The following HUNK variants were observed in gnomAD, a reference collection of about 807,000 sequenced individuals.
The protein encoded by HUNK is hormonally up-regulated neu tumor-associated kinase.
A neutral mutation model predicts 61.0 loss-of-function variants in HUNK; 21 were observed. That is an observed-to-expected ratio of 0.34 (90% confidence interval 0.24 to 0.50). The LOEUF (loss-of-function observed/expected upper bound fraction) is 0.50, where lower values mean the gene tolerates loss of function less well. Ranked by LOEUF, HUNK falls within the 20% of genes least tolerant of loss-of-function variation. HUNK has a pLI of 0.98. For missense variants in HUNK, 772 were observed against 945.7 expected, an observed-to-expected ratio of 0.82 and a Z score of 2.41; for synonymous variants, 371 against 386.1, an observed-to-expected ratio of 0.96 and a Z score of 0.46.
chr21:31,928,001 C>T (rs764901035), intron 2 of HUNK, among the ~76,000 whole-genome samples: 17 of 152,208 alleles, frequency 1.1e-4, no homozygotes, highest in Non-Finnish European at 1.6e-4. Flanking sequence ...AAGTGAATCA[C>T]GCTATTTTTG....
intron 7 of HUNK, among the ~76,000 whole-genome samples, chr21:31,981,207 G>T (rs956001756): frequency 6.6e-6 from 1 of 152,108 alleles, no homozygotes; most frequent in East Asian, 1.9e-4. Flanking sequence ...CTATTCCATT[G>T]GTCTATGTGT....
intron 5 of HUNK, among the ~76,000 whole-genome samples, chr21:31,960,118 G>A (rs1049829477): frequency 2.0e-5 from 3 of 152,200 alleles, no homozygotes; most frequent in Non-Finnish European, 4.4e-5. Flanking sequence ...AGCACTCTGA[G>A]GTGTGCCCAT....
chr21:31,976,565 C>T (rs1030934336), intron 7 of HUNK, among the ~76,000 whole-genome samples: 1 of 139,440 alleles, frequency 7.2e-6, no homozygotes, highest in Admixed American at 8.0e-5. Flanking sequence ...CTCCCAGGTT[C>T]AAGTGATTCT....
chr21:31,977,434 A>G (rs976799176), intron 7 of HUNK, among the ~76,000 whole-genome samples: 2 of 152,228 alleles, frequency 1.3e-5, no homozygotes, highest in Non-Finnish European at 2.9e-5. Context: ...AAAGTTCATG[A>G]TTTTGCTTAT....
At chr21:31,968,793 CAT>C (rs1391057873) in intron 6 of HUNK, among the ~76,000 whole-genome samples, 2 of 141,906 alleles carry the variant, frequency 1.4e-5, no homozygotes, top group Admixed American at 7.1e-5. Flanking sequence ...CTTGGGTCTC[CAT>C]GTGCATGGGT....
At position 31,924,336 on chromosome 21, in the gene HUNK, A is replaced by G; in HGVS notation, c.262-132A>G. The G allele has an allele frequency of 1.5e-6, 1 of 662,408 alleles. No homozygotes were observed. 41.0% of individuals were successfully genotyped at this position (662,408 alleles called of 1,614,324 possible). ...ATGTGTATATATATATTTTCTGTTG[A>G]TGCTGTTTTAGGTAAGGTGTTTCTC... On this transcript the variant is annotated intron_variant, in intron 1 of 10. Coordinates refer to ENST00000270112, the MANE Select transcript of HUNK (RefSeq NM_014586.2). The surrounding 1 kb of genome is among the most constrained non-coding windows in gnomAD (Gnocchi z 5.1).
chr21:31,901,735 G>A (rs1446551595), intron 1 of HUNK, among the ~76,000 whole-genome samples: 2 of 152,228 alleles, frequency 1.3e-5, no homozygotes, highest in South Asian at 2.1e-4. Flanking sequence ...GTTGTCTTGC[G>A]AGGATGTCCA....
chr21:31,924,013 G>A lies in HUNK; in HGVS notation c.262-455G>A, dbSNP rs2052642635. On this transcript the variant is annotated intron_variant, in intron 1 of 10. Transcript: ENST00000270112. The surrounding 1 kb of genome is among the most constrained non-coding windows in gnomAD (Gnocchi z 5.1). ...CCATGCCTTGGAACTAAGATTGGGG[G>A]AAGATTTAGCTGTTTCTGAAGTGGC... Among the ~76,000 whole-genome samples the A allele has an allele frequency of 6.6e-6, 1 of 152,170 alleles. No individual in the cohort carries two copies.
chr21:31,956,981 CTCCA>C (rs901810705), intron 4 of HUNK, among the ~76,000 whole-genome samples: 9 of 152,146 alleles, frequency 5.9e-5, no homozygotes, highest in Non-Finnish European at 8.8e-5. Flanking sequence ...CTTTTTATCT[CTCCA>C]TCCATACAAC....
chr21:31,917,625 A>C (rs184173562), intron 1 of HUNK, among the ~76,000 whole-genome samples: 1 of 148,226 alleles, frequency 6.7e-6, no homozygotes, highest in East Asian at 2.1e-4. Context: ...CTTTGACAGA[A>C]AGTTGTTTTT....
chr21:31,985,543 A>G (rs1309979942), intron 8 of HUNK, among the ~76,000 whole-genome samples: 1 of 152,186 alleles, frequency 6.6e-6, no homozygotes, highest in Non-Finnish European at 1.5e-5. Flanking sequence ...ACAGGTCTCC[A>G]TTTCAGACAG....
chr21:31,919,746 C>T (rs1366112108), intron 1 of HUNK, among the ~76,000 whole-genome samples: 1 of 152,002 alleles, frequency 6.6e-6, no homozygotes, highest in Non-Finnish European at 1.5e-5. Context: ...GCAGAGGGGA[C>T]GGTGGAGTCA....
chr21:31,875,611 G>A (rs1472210730), intron 1 of HUNK, among the ~76,000 whole-genome samples: 2 of 152,188 alleles, frequency 1.3e-5, no homozygotes, highest in Non-Finnish European at 2.9e-5. Context: ...TCCACACTGC[G>A]GGTCCGTTCA....
chr21:31,907,783 A>G (rs978215262), intron 1 of HUNK, among the ~76,000 whole-genome samples: 1 of 152,000 alleles, frequency 6.6e-6, no homozygotes, highest in African/African-American at 2.4e-5. Flanking sequence ...TGAGGTCAGG[A>G]GTTTGAGACC....
In HUNK at chr21:31,873,719, G is replaced by C. The variant is rs1268746136; in HGVS notation, c.45G>C (p.Ala15=). The C allele has an allele frequency of 1.7e-6, 2 of 1,201,406 alleles. No homozygotes were observed. The highest frequency in any genetic ancestry group is 2.1e-6 in the Non-Finnish European group (2 of 970,646). The allele number at this position is 1,201,406 out of a possible 1,614,324, so 74.4% of individuals were successfully genotyped here. The change falls in exon 1 of 11, where the codon GCG becomes GCC. Residue 15 remains alanine (A), a synonymous_variant. Transcript: ENST00000270112. This position sits in a 1 kb window ranked among gnomAD's most constrained non-coding sequence, Gnocchi z 6.1. The stretch of plus-strand genomic sequence containing the variant: ...ACGGGCTCCTGGGGGAGCCGGCGGC[G>C]CCTGGGGGCGGCGGCGGCGCGGAGG... ...AGDGLLGEPA[A]PGGGGGAEDA...
chr21:31,877,941 G>A (rs927479754), intron 1 of HUNK, among the ~76,000 whole-genome samples: 1 of 152,164 alleles, frequency 6.6e-6, no homozygotes, highest in Non-Finnish European at 1.5e-5. Flanking sequence ...AATAAGGAAA[G>A]TGACTTACAG....
chr21:31,984,966 G>C (rs1159657573), intron 8 of HUNK, among the ~76,000 whole-genome samples: 1 of 152,194 alleles, frequency 6.6e-6, no homozygotes, highest in East Asian at 1.9e-4. Flanking sequence ...AGGTAAATGA[G>C]GAGCAAAGTC....
intron 1 of HUNK, among the ~76,000 whole-genome samples, chr21:31,907,257 C>T (rs1231635550): frequency 2.0e-5 from 3 of 151,834 alleles, no homozygotes; most frequent in Non-Finnish European, 4.4e-5. Context: ...CTCAAGACGT[C>T]ATAGTATGAA....
intron 10 of HUNK, among the ~76,000 whole-genome samples, chr21:31,997,849 T>C (rs1025925268): frequency 6.6e-6 from 1 of 152,198 alleles, no homozygotes; most frequent in Admixed American, 6.5e-5. Context: ...GGGAGTTTTA[T>C]GGATGTGCTG....
Sources: allele counts gnomAD v4.1 joint callset (sites outside exome capture counted in the v4.1 genomes callset), GRCh38; gene constraint gnomAD v4.1.1; non-coding constraint Gnocchi (gnomAD v3.1); transcripts MANE v1.5; gene names NCBI Gene and HGNC (gene_info 2026-07-23, HGNC 2026-07-21).